ITGB1BP1: variants seen among roughly 807,000 people sequenced by gnomAD.
ITGB1BP1 encodes integrin beta-1-binding protein 1.
A neutral mutation model predicts 28.0 loss-of-function variants in ITGB1BP1; 20 were observed. That is an observed-to-expected ratio of 0.71 (90% CI 0.50 to 1.04). The LOEUF (loss-of-function observed/expected upper bound fraction) is 1.04, where lower values mean the gene tolerates loss of function less well. Among genes scored for constraint, ITGB1BP1 ranks in the 50% least tolerant of loss-of-function variants. The probability of loss-of-function intolerance (pLI) is 0.00; values close to 1 mark genes in which losing one functional copy is unlikely to be tolerated. For synonymous variants in ITGB1BP1, 103 were observed against 89.5 expected (o/e 1.15, Z -0.85); for missense variants, 228 against 242.5 (o/e 0.94, Z 0.40).
At chr2:9,417,552 G>A (rs1679300647) in intron 2 of ITGB1BP1, among the ~76,000 whole-genome samples, 1 of 151,982 alleles carries the variant, frequency 6.6e-6, no homozygotes, top group African/African-American at 2.4e-5. Context: ...CCAAGTAGCT[G>A]GGACTACAGG....
intron 2 of ITGB1BP1, among the ~76,000 whole-genome samples, chr2:9,416,187 A>G (rs1335609575): frequency 6.6e-6 from 1 of 151,784 alleles, no homozygotes; most frequent in Non-Finnish European, 1.5e-5. Context: ...CCCCTTCCTC[A>G]TTTATGCCTA....
At position 9,405,146 on chromosome 2, in the gene ITGB1BP1, T is replaced by A. The variant is rs1228744682; in HGVS notation, c.*1688A>T. 6.6e-6 allele frequency: 1 copy of A among 152,316 alleles called. No individual in the cohort carries two copies. Among genetic ancestry groups the A allele is most frequent in the Non-Finnish European group, 1.5e-5 (1 of 68,020 alleles). 9.4% of individuals were successfully genotyped at this position (152,316 alleles called of 1,614,324 possible). On this transcript the variant is annotated 3_prime_UTR_variant, in exon 7 of 7. Coordinates refer to ENST00000355346, the MANE Select transcript of ITGB1BP1 (RefSeq NM_004763.5). Reference sequence around the variant, plus strand: ...TCTGTCAGGTTCACTGGTACATAAATACCTAGGAAATATTTTTCCAGTCTA... The same window carrying A: ...TCTGTCAGGTTCACTGGTACATAAAAACCTAGGAAATATTTTTCCAGTCTA...
In ITGB1BP1 at chr2:9,404,737, G is replaced by GT. The variant is rs59423766; in HGVS notation, c.*2096dup. The stretch of plus-strand genomic sequence containing the variant: ...TCTTTATTATGCAAGACTGTGTAGA[G>GT]TTTTTTTTTTTTTTGGCATTGTACT... On this transcript the variant is annotated 3_prime_UTR_variant, in exon 7 of 7. Coordinates refer to ENST00000355346, the MANE Select transcript of ITGB1BP1 (RefSeq NM_004763.5). The GT allele has an allele frequency of 3.3e-3, 474 of 143,654 alleles. 1 individual carries two copies. Among genetic ancestry groups the GT allele is most frequent in the Middle Eastern group, 0.011 (3 of 284 alleles). 8.9% of individuals were successfully genotyped at this position (143,654 alleles called of 1,614,324 possible).
At chr2:9,410,105 A>G (rs1364714687) in intron 4 of ITGB1BP1, among the ~76,000 whole-genome samples, 1 of 152,142 alleles carries the variant, frequency 6.6e-6, no homozygotes. Flanking sequence ...TCGGCCTCCC[A>G]AAGTGCTGGA....
intron 3 of ITGB1BP1, 74 bp from the exon 4 acceptor site, chr2:9,412,479 A>C: frequency 8.1e-7 from 1 of 1,235,452 alleles, no homozygotes; most frequent in South Asian, 1.5e-5. Context: ...TCCCTTCCCA[A>C]ATAAAAACCA....
At chr2:9,419,970 G>A (rs1572736639) in intron 1 of ITGB1BP1, 13 of 704,744 alleles carry the variant, frequency 1.8e-5, no homozygotes, top group Non-Finnish European at 2.3e-5. Flanking sequence ...TCTCCAGAGA[G>A]AACAAGAAAA....
At chr2:9,417,916 G>T (rs1679350405) in intron 2 of ITGB1BP1, among the ~76,000 whole-genome samples, 5 of 151,900 alleles carry the variant, frequency 3.3e-5, no homozygotes, top group Admixed American at 1.3e-4. Flanking sequence ...CTCCCTAACT[G>T]CTCTATTTTA....
intron 1 of ITGB1BP1, chr2:9,422,659 G>A: frequency 1.0e-6 from 1 of 985,570 alleles, no homozygotes; most frequent in Non-Finnish European, 1.2e-6. Flanking sequence ...TTGCCAGGGC[G>A]CCTGGCAGGG....
At chr2:9,407,808 T>C (rs1677733141) in intron 5 of ITGB1BP1, among the ~76,000 whole-genome samples, 1 of 151,648 alleles carries the variant, frequency 6.6e-6, no homozygotes, top group Admixed American at 6.6e-5. Flanking sequence ...TCCCAGTGTC[T>C]GTGCCCACCG....
At chr2:9,412,532 A>G (rs1678576420) in intron 3 of ITGB1BP1, 127 bp from the exon 4 acceptor site, 10 of 736,484 alleles carry the variant, frequency 1.4e-5, no homozygotes, top group Non-Finnish European at 1.9e-5. Context: ...ATTTTATAAT[A>G]CACAATATTT....
At chr2:9,412,188 G>C in intron 4 of ITGB1BP1, 81 bp downstream of exon 4, 1 of 1,250,634 alleles carries the variant, frequency 8.0e-7, no homozygotes, top group Non-Finnish European at 1.1e-6. Flanking sequence ...TGGACCCGAG[G>C]AGTGAGCATT....
At chr2:9,407,237 C>A in intron 6 of ITGB1BP1, 3 of 615,480 alleles carry the variant, frequency 4.9e-6, no homozygotes, top group Non-Finnish European at 8.6e-6. Context: ...TAAATCCCGG[C>A]ACAAGCGAGT....
rs748587660 is a variant in ITGB1BP1, at chr2:9,407,394, C to T, written c.531+55G>A. On this transcript the variant is annotated intron_variant, in intron 6 of 6. Transcript: ENST00000355346. The stretch of plus-strand genomic sequence containing the variant: ...TTCTTCAGCCTTCAAAAACAGTAGT[C>T]CCTGGGTGTTGCGACTTGATGGGCA... 1.6e-5 allele frequency: 25 copies of T among 1,596,240 alleles called. No individual in the cohort carries two copies. The Middle Eastern group carries it at 2.0e-3, about 127-fold the overall frequency.
At chr2:9,410,241 T>C (rs1287386884) in intron 4 of ITGB1BP1, among the ~76,000 whole-genome samples, 2 of 151,894 alleles carry the variant, frequency 1.3e-5, no homozygotes, top group African/African-American at 4.8e-5. Flanking sequence ...TCATTTCAGG[T>C]TTTTTTTGAG....
chr2:9,410,904 T>C (rs1678283912), intron 4 of ITGB1BP1, among the ~76,000 whole-genome samples: 1 of 152,220 alleles, frequency 6.6e-6, no homozygotes, highest in African/African-American at 2.4e-5. Flanking sequence ...TCTCATTCTC[T>C]GTGATTTAAG....
At position 9,405,857 on chromosome 2, in the gene ITGB1BP1, C is replaced by G. The variant is rs1677206248; in HGVS notation, c.*977G>C. On this transcript the variant is annotated 3_prime_UTR_variant, in exon 7 of 7. Coordinates refer to ENST00000355346, the MANE Select transcript of ITGB1BP1 (RefSeq NM_004763.5). The stretch of plus-strand genomic sequence containing the variant: ...TGGCCAGCATGTTATCTTGACCAGA[C>G]ACTTCTGAAAATCTGCTTTGTGTGT... The G allele has an allele frequency of 6.6e-6, 1 of 152,230 alleles. No individual in the cohort carries two copies. The highest frequency in any genetic ancestry group is 2.1e-4 in the South Asian group (1 of 4,832). 9.4% of individuals were successfully genotyped at this position (152,230 alleles called of 1,614,324 possible).
chr2:9,420,093 C>T (rs1175566185), intron 1 of ITGB1BP1: 22 of 973,714 alleles, frequency 2.3e-5, no homozygotes, highest in Non-Finnish European at 2.4e-5. Flanking sequence ...TTCAGAGAAA[C>T]TACGCACCTG....
chr2:9,423,297 G>A (rs1680135489), intron 1 of ITGB1BP1, 76 bp downstream of exon 1: 4 of 1,220,148 alleles, frequency 3.3e-6, no homozygotes, highest in Non-Finnish European at 3.1e-6. Context: ...CTGGCCGTCC[G>A]CGCCGCTCTC....
chr2:9,421,551 G>A (rs1298690035), intron 1 of ITGB1BP1, among the ~76,000 whole-genome samples: 2 of 152,094 alleles, frequency 1.3e-5, no homozygotes, highest in Admixed American at 6.6e-5. Flanking sequence ...GCTGTGCGTG[G>A]TGGTGGGCGC....
Sources: gnomAD v4.1 joint callset for allele counts (sites outside exome capture counted in the v4.1 genomes callset) on GRCh38, gnomAD v4.1.1 for gene constraint, MANE v1.5 for transcripts, NCBI Gene and HGNC (gene_info 2026-07-23, HGNC 2026-07-21) for gene names.